MORC1: variants seen among roughly 807,000 people sequenced by gnomAD.
The protein encoded by MORC1 is MORC family CW-type zinc finger 1, also known as MORC family CW-type zinc finger protein 1.
In MORC1, 59 loss-of-function variants were observed where a neutral mutation model predicts 134.9. The observed-to-expected ratio is 0.44, with a 90% CI of 0.35 to 0.54. MORC1 has a LOEUF of 0.54. Among genes scored for constraint, MORC1 ranks in the 20% least tolerant of loss-of-function variants. The probability of loss-of-function intolerance (pLI) is 0.00; values close to 1 mark genes in which losing one functional copy is unlikely to be tolerated. For missense variants in MORC1, 947 were observed against 1,134.5 expected, an observed-to-expected ratio of 0.83 and a Z score of 2.37; for synonymous variants, 395 against 391.7, an observed-to-expected ratio of 1.01 and a Z score of -0.10.
intron 14 of MORC1, among the ~76,000 whole-genome samples, chr3:109,054,138 C>T (rs868546735): frequency 3.7e-4 from 56 of 151,996 alleles, no homozygotes; most frequent in Middle Eastern, 6.8e-3. Flanking sequence ...AAAAATTAGG[C>T]GGGCGTGGTG....
At chr3:108,999,863 T>C (rs1244195907) in intron 21 of MORC1, among the ~76,000 whole-genome samples, 2 of 148,084 alleles carry the variant, frequency 1.4e-5, no homozygotes, top group Non-Finnish European at 3.0e-5. Context: ...AATGTGTAAA[T>C]TACTTTTAGT....
intron 8 of MORC1, among the ~76,000 whole-genome samples, chr3:109,074,766 T>C (rs780772180): frequency 3.3e-5 from 5 of 152,212 alleles, no homozygotes; most frequent in African/African-American, 4.8e-5. Flanking sequence ...CACAGCATGA[T>C]AGTAAGCTAG....
chr3:108,971,369 C>T lies in MORC1; in HGVS notation c.2511G>A (p.Gln837=), dbSNP rs766732667. The T allele has an allele frequency of 1.2e-6, 2 of 1,613,542 alleles. No individual in the cohort carries two copies. The highest frequency in any genetic ancestry group is 2.2e-5 in the South Asian group (2 of 91,042). The part of the protein sequence containing the change: ...EILLYFFPEH[Q]LPSELEEPAL... ...CAGGTTCTTCCAATTCTGATGGTAG[C>T]TGATGCTCAGGAAAAAAATACAGAA... Residue 837 remains glutamine (Q), a synonymous_variant, in exon 25 of 28, where the codon CAG becomes CAA. Transcript: ENST00000232603.
chr3:109,042,378 A>G (rs918866719), intron 14 of MORC1, among the ~76,000 whole-genome samples: 2 of 152,204 alleles, frequency 1.3e-5, no homozygotes, highest in African/African-American at 4.8e-5. Flanking sequence ...TTAAAACCAC[A>G]GGGAGATATC....
At chr3:109,024,800 C>A (rs190164844) in intron 17 of MORC1, among the ~76,000 whole-genome samples, 10 of 152,240 alleles carry the variant, frequency 6.6e-5, no homozygotes, top group Admixed American at 2.0e-4. Context: ...AATAAACTAG[C>A]CAGTTCTTGA....
At chr3:109,040,916 A>G (rs1196004868) in intron 14 of MORC1, among the ~76,000 whole-genome samples, 1 of 152,036 alleles carries the variant, frequency 6.6e-6, no homozygotes, top group Non-Finnish European at 1.5e-5. Flanking sequence ...TCATAAAGAA[A>G]TATAGAACTT....
At chr3:109,103,286 T>G (rs989207201) in intron 4 of MORC1, among the ~76,000 whole-genome samples, 4 of 152,248 alleles carry the variant, frequency 2.6e-5, no homozygotes, top group Non-Finnish European at 5.9e-5. Context: ...ATACCCATAA[T>G]GTGCTGGCTT....
intron 14 of MORC1, among the ~76,000 whole-genome samples, chr3:109,041,777 C>T (rs1243919121): frequency 1.3e-5 from 2 of 152,024 alleles, no homozygotes; most frequent in Admixed American, 6.6e-5. Flanking sequence ...AACCAGAAGG[C>T]GGAGGTTGCA....
At chr3:109,048,712 C>T (rs1949751792) in intron 14 of MORC1, among the ~76,000 whole-genome samples, 2 of 152,166 alleles carry the variant, frequency 1.3e-5, no homozygotes, top group Admixed American at 1.3e-4. Flanking sequence ...TGGTCACCTT[C>T]TCCCTGTGTC....
At chr3:109,022,587 A>C (rs1948984818) in intron 17 of MORC1, among the ~76,000 whole-genome samples, 1 of 152,230 alleles carries the variant, frequency 6.6e-6, no homozygotes, top group Non-Finnish European at 1.5e-5. Context: ...ATGACGAATG[A>C]AATCCAAATG....
chr3:108,979,247 A>C (rs1182297495), intron 24 of MORC1, among the ~76,000 whole-genome samples: 3 of 152,306 alleles, frequency 2.0e-5, no homozygotes, highest in African/African-American at 7.2e-5. Flanking sequence ...AAAGAAAGAA[A>C]ATTCAGTAAA....
chr3:109,114,874 T>C (rs1293707730), intron 1 of MORC1, among the ~76,000 whole-genome samples: 1 of 152,262 alleles, frequency 6.6e-6, no homozygotes, highest in African/African-American at 2.4e-5. Context: ...GCAAAGGAAC[T>C]GGCAGGAAGC....
intron 1 of MORC1, 97 bp from the exon 2 acceptor site, chr3:109,114,534 G>A: frequency 2.0e-6 from 2 of 992,088 alleles, no homozygotes; most frequent in Non-Finnish European, 3.0e-6. Flanking sequence ...TCCAGTTCCA[G>A]ACATCTAGTG....
chr3:109,027,719 G>A, intron 17 of MORC1, 32 bp downstream of exon 17: 1 of 1,613,254 alleles, frequency 6.2e-7, no homozygotes, highest in South Asian at 1.1e-5. Flanking sequence ...AAGAGTCACA[G>A]TAGAATTAGG....
At chr3:109,096,141 G>C (rs912444502) in intron 6 of MORC1, among the ~76,000 whole-genome samples, 4 of 152,080 alleles carry the variant, frequency 2.6e-5, no homozygotes, top group African/African-American at 9.7e-5. Context: ...AGATATTTTT[G>C]AAAAAGAAAC....
Position 109,014,677 on chromosome 3 carries a change from T to C in MORC1, c.1705-7586A>G, listed in dbSNP as rs533382032. ...AGATAATTATTTCGTGCTAGTTTTA[T>C]TGTAATGGATTTTGACCTGAACTAT... On this transcript the variant is annotated intron_variant, in intron 17 of 27. Coordinates refer to ENST00000232603, the MANE Select transcript of MORC1 (RefSeq NM_014429.4). 2.6e-5 allele frequency among the ~76,000 whole-genome samples: 4 copies of C among 152,332 alleles called. No homozygotes were observed. The East Asian group carries it at 5.8e-4, about 22-fold the overall frequency.
chr3:108,971,300 C>A, intron 25 of MORC1, 30 bp downstream of exon 25: 1 of 1,587,264 alleles, frequency 6.3e-7, no homozygotes, highest in Non-Finnish European at 8.6e-7. Flanking sequence ...TTCTATCATT[C>A]CCTCACAGTT....
chr3:109,058,104 A>T (rs1371618444), intron 12 of MORC1, among the ~76,000 whole-genome samples: 4 of 152,184 alleles, frequency 2.6e-5, no homozygotes, highest in Non-Finnish European at 4.4e-5. Flanking sequence ...CCAAAATGTG[A>T]TAAAAACAGC....
intron 15 of MORC1, among the ~76,000 whole-genome samples, chr3:109,033,315 AGG>A (rs1576656231): frequency 1.3e-5 from 2 of 151,558 alleles, no homozygotes; most frequent in East Asian, 3.9e-4. Flanking sequence ...GAAGGAAGGA[AGG>A]AAGGAAGGAA....
Sources: gnomAD v4.1 joint callset for allele counts (sites outside exome capture counted in the v4.1 genomes callset) on GRCh38, gnomAD v4.1.1 for gene constraint, MANE v1.5 for transcripts, NCBI Gene and HGNC (gene_info 2026-07-23, HGNC 2026-07-21) for gene names.